Variants in NUBPL observed in about 807,000 individuals in gnomAD.
The protein encoded by NUBPL is NUBP iron-sulfur cluster assembly factor, mitochondrial.
A neutral mutation model predicts 45.7 loss-of-function variants in NUBPL; 31 were observed. That is an observed-to-expected ratio of 0.68 (90% CI 0.51 to 0.92). The LOEUF (loss-of-function observed/expected upper bound fraction) is 0.92. Among genes scored for constraint, NUBPL ranks in the 40% least tolerant of loss-of-function variants. The probability of loss-of-function intolerance (pLI) is 0.00; values close to 1 mark genes in which losing one functional copy is unlikely to be tolerated. For missense variants in NUBPL, 401 were observed against 398.7 expected (o/e 1.01, Z -0.05); for synonymous variants, 144 against 140.9 (o/e 1.02, Z -0.15).
rs140712295 is a variant in NUBPL, at chr14:31,761,834, C to T, written c.514-25946C>T. Among the ~76,000 whole-genome samples, 47 of 152,144 alleles carry T rather than the reference C, an allele frequency of 3.1e-4. No homozygotes were observed. The East Asian group carries it at 7.9e-3, about 26-fold the overall frequency. ...CAGAATCCTTGTGTATGGGATAGCA[C>T]TGATTTTGGATATATAGTTTCTGTG... is the stretch of plus-strand genomic sequence containing the variant. On this transcript the variant is annotated intron_variant, in intron 6 of 10. Transcript: ENST00000281081.
intron 6 of NUBPL, among the ~76,000 whole-genome samples, chr14:31,778,669 A>T (rs768792518): frequency 6.6e-6 from 1 of 152,226 alleles, no homozygotes; most frequent in South Asian, 2.1e-4. Context: ...ATCAAGAAGA[A>T]GGTGTTAACC....
intron 4 of NUBPL, chr14:31,654,025 T>C: frequency 2.3e-6 from 1 of 433,860 alleles, no homozygotes; most frequent in Non-Finnish European, 4.7e-6. Context: ...TGTTTTTCTT[T>C]GCTACTATAG....
chr14:31,775,945 G>A (rs1010979048), intron 6 of NUBPL, among the ~76,000 whole-genome samples: 1 of 152,174 alleles, frequency 6.6e-6, no homozygotes, highest in Non-Finnish European at 1.5e-5. Flanking sequence ...AGACAGCCAG[G>A]TTATGGTCAG....
chr14:31,754,611 T>C (rs1043298412), intron 6 of NUBPL, among the ~76,000 whole-genome samples: 1 of 119,066 alleles, frequency 8.4e-6, no homozygotes, highest in Non-Finnish European at 1.7e-5. Flanking sequence ...TTTTTTTTTT[T>C]TCTATTTGAG....
At chr14:31,840,631 A>G (rs1194596838) in intron 8 of NUBPL, among the ~76,000 whole-genome samples, 1 of 151,938 alleles carries the variant, frequency 6.6e-6, no homozygotes, top group Non-Finnish European at 1.5e-5. Flanking sequence ...ATGAACCTGG[A>G]GGACATTATA....
intron 4 of NUBPL, among the ~76,000 whole-genome samples, chr14:31,630,315 T>G (rs554574077): frequency 1.3e-5 from 2 of 152,350 alleles, no homozygotes; most frequent in East Asian, 3.9e-4. Flanking sequence ...TTTATTTATC[T>G]AATAAATGGG....
intron 4 of NUBPL, chr14:31,654,180 T>G (rs1420485279): frequency 2.2e-6 from 1 of 449,614 alleles, no homozygotes; most frequent in Non-Finnish European, 4.5e-6. Context: ...ATAAAAGTTA[T>G]GTTTACACTA....
chr14:31,785,435 C>T (rs1336749843), intron 6 of NUBPL, among the ~76,000 whole-genome samples: 3 of 152,102 alleles, frequency 2.0e-5, no homozygotes, highest in Non-Finnish European at 4.4e-5. Flanking sequence ...CATATGAGCA[C>T]GGACCCTATT....
chr14:31,793,832 T>TCA (rs1566565011), intron 7 of NUBPL, among the ~76,000 whole-genome samples: 45 of 129,842 alleles, frequency 3.5e-4, no homozygotes, highest in African/African-American at 1.7e-3. Context: ...ATCTTTCTTT[T>TCA]TTTTTTTTAT....
chr14:31,815,861 A>G (rs1208712548), intron 7 of NUBPL, among the ~76,000 whole-genome samples: 1 of 152,226 alleles, frequency 6.6e-6, no homozygotes, highest in Non-Finnish European at 1.5e-5. Flanking sequence ...ATATTTAACC[A>G]GCCTTGCATG....
intron 4 of NUBPL, among the ~76,000 whole-genome samples, chr14:31,625,617 AG>A (rs1235396546): frequency 6.6e-6 from 1 of 151,828 alleles, no homozygotes; most frequent in Non-Finnish European, 1.5e-5. Flanking sequence ...CTGGGACTAC[AG>A]GGGCATGCCA....
intron 3 of NUBPL, among the ~76,000 whole-genome samples, chr14:31,572,292 A>G (rs1334612161): frequency 2.0e-5 from 3 of 151,942 alleles, no homozygotes; most frequent in African/African-American, 7.3e-5. Flanking sequence ...GGTACCCGCC[A>G]CCACACCCAT....
intron 4 of NUBPL, among the ~76,000 whole-genome samples, chr14:31,658,263 C>G: frequency 6.6e-6 from 1 of 152,150 alleles, no homozygotes; most frequent in East Asian, 1.9e-4. Context: ...GAATATGGCA[C>G]TTAATGAAGA....
intron 4 of NUBPL, among the ~76,000 whole-genome samples, chr14:31,659,424 G>A (rs193241370): frequency 6.6e-6 from 1 of 152,158 alleles, no homozygotes; most frequent in East Asian, 1.9e-4. Flanking sequence ...AATTACTGGT[G>A]ACAAGGCACA....
chr14:31,798,303 GTTTT>G (rs71115031), intron 7 of NUBPL, among the ~76,000 whole-genome samples: 1 of 107,282 alleles, frequency 9.3e-6, no homozygotes, highest in Non-Finnish European at 1.7e-5. Flanking sequence ...TTTATTTATG[GTTTT>G]TTTTTTTTTT....
chr14:31,809,585 T>G (rs2138897040), intron 7 of NUBPL, among the ~76,000 whole-genome samples: 1 of 152,294 alleles, frequency 6.6e-6, no homozygotes, highest in Admixed American at 6.5e-5. Context: ...ATTCATTGAT[T>G]TTTTGAAGGG....
intron 10 of NUBPL, among the ~76,000 whole-genome samples, chr14:31,858,040 G>C (rs547801043): frequency 6.6e-6 from 1 of 152,170 alleles, no homozygotes; most frequent in Non-Finnish European, 1.5e-5. Flanking sequence ...AAAAGAAAGA[G>C]GTTTATTGGA....
intron 6 of NUBPL, among the ~76,000 whole-genome samples, chr14:31,686,519 A>T (rs1171796439): frequency 6.6e-6 from 1 of 152,216 alleles, no homozygotes; most frequent in South Asian, 2.1e-4. Context: ...GAGGAAAATC[A>T]GGTCTCTAGC....
In NUBPL at chr14:31,580,054, T is replaced by C. The variant is rs2033821272; in HGVS notation, c.291+15006T>C. 2.6e-5 allele frequency among the ~76,000 whole-genome samples: 4 copies of C among 152,238 alleles called. No individual in the cohort carries two copies. In the South Asian group the frequency reaches 8.3e-4, roughly 32 times the overall value. On this transcript the variant is annotated intron_variant, in intron 3 of 10. Transcript: ENST00000281081. ...GGTTGTTTCAAATAACATGCTTTCCTTTAATGTCCAATAAAGGCTATTTAT... is the reference window on the plus strand; with the variant it reads ...GGTTGTTTCAAATAACATGCTTTCCCTTAATGTCCAATAAAGGCTATTTAT...
Sources: allele counts gnomAD v4.1 joint callset (sites outside exome capture counted in the v4.1 genomes callset), GRCh38; gene constraint gnomAD v4.1.1; transcripts MANE v1.5; gene names NCBI Gene and HGNC (gene_info 2026-07-23, HGNC 2026-07-21).